The following TAFA5 variants were observed in gnomAD, a reference collection of about 807,000 sequenced individuals.
TAFA5 encodes TAFA chemokine like family member 5.
Under a neutral mutation model 15.3 loss-of-function variants are expected in TAFA5, and 6 were observed. The observed-to-expected ratio is 0.39, with a 90% CI of 0.21 to 0.77. The LOEUF is 0.77. Among genes scored for constraint, TAFA5 ranks in the 30% least tolerant of loss-of-function variants. TAFA5 has a pLI of 0.41. For synonymous variants in TAFA5, 103 were observed against 80.7 expected (o/e 1.28, Z -1.48); for missense variants, 161 against 193.1 (o/e 0.83, Z 0.98).
intron 3 of TAFA5, among the ~76,000 whole-genome samples, chr22:48,714,168 T>C (rs1439132472): frequency 1.3e-5 from 2 of 152,244 alleles, no homozygotes; most frequent in African/African-American, 4.8e-5. Context: ...CAGACGCTTT[T>C]GCACCAGGGT....
rs573921976 is a variant in TAFA5 at position 48,710,709 on chromosome 22, C to G, written c.390+2865C>G. On this transcript the variant is annotated intron_variant, in intron 3 of 3. Transcript: ENST00000402357. ...TGGGGCATTTGAGGCAGAGGCTGACCAGGCACCTGGGATATTCCAGAGGGG... is the reference window on the plus strand; with the variant it reads ...TGGGGCATTTGAGGCAGAGGCTGACGAGGCACCTGGGATATTCCAGAGGGG... Among the ~76,000 whole-genome samples the G allele has an allele frequency of 3.9e-5, 6 of 152,342 alleles. No homozygotes were observed. The East Asian group carries it at 1.2e-3, about 29-fold the overall frequency.
chr22:48,507,898 G>A lies in TAFA5; in HGVS notation c.112+18194G>A, dbSNP rs544703979. ...GTTCCCTTTTGGGCATCCCCAGCAC[G>A]AGGCCCATCTGCAGCCCTGGCCTGG... On this transcript the variant is annotated intron_variant, in intron 1 of 3. Coordinates refer to ENST00000402357, the MANE Select transcript of TAFA5 (RefSeq NM_001082967.3). 3.3e-4 allele frequency among the ~76,000 whole-genome samples: 51 copies of A among 152,284 alleles called. 1 individual carries two copies. The South Asian group carries it at 8.9e-3, about 27-fold the overall frequency.
At chr22:48,641,955 CT>C (rs1926696203) in intron 1 of TAFA5, among the ~76,000 whole-genome samples, 1 of 152,236 alleles carries the variant, frequency 6.6e-6, no homozygotes, top group Non-Finnish European at 1.5e-5. Context: ...ACACCATCCC[CT>C]ATCTCCAAGA....
chr22:48,694,501 C>T (rs1233881898), intron 2 of TAFA5, among the ~76,000 whole-genome samples: 1 of 152,158 alleles, frequency 6.6e-6, no homozygotes, highest in East Asian at 1.9e-4. Context: ...AACACGGGCG[C>T]TTCCCAGCCA....
intron 1 of TAFA5, among the ~76,000 whole-genome samples, chr22:48,492,810 A>G (rs1471595637): frequency 6.6e-6 from 1 of 152,218 alleles, no homozygotes; most frequent in Admixed American, 6.5e-5. Flanking sequence ...GACTTGCATG[A>G]TGATGAGCTT....
chr22:48,568,845 C>CT (rs993991834), intron 1 of TAFA5, among the ~76,000 whole-genome samples: 1 of 152,228 alleles, frequency 6.6e-6, no homozygotes, highest in African/African-American at 2.4e-5. Context: ...TCTCCTTCCA[C>CT]TGTCCAGCAG....
At chr22:48,614,091 TATCTC>T (rs1056439574) in intron 1 of TAFA5, among the ~76,000 whole-genome samples, 1 of 152,202 alleles carries the variant, frequency 6.6e-6, no homozygotes, top group African/African-American at 2.4e-5. Context: ...CGACGGGTGT[TATCTC>T]AGGACAGCCG....
intron 3 of TAFA5, among the ~76,000 whole-genome samples, chr22:48,732,102 G>A (rs900201528): frequency 6.6e-6 from 1 of 152,286 alleles, no homozygotes; most frequent in African/African-American, 2.4e-5. Flanking sequence ...TTTCAGTGGC[G>A]GAAATCACTG....
At chr22:48,724,217 G>T (rs1239488915) in intron 3 of TAFA5, among the ~76,000 whole-genome samples, 2 of 152,238 alleles carry the variant, frequency 1.3e-5, no homozygotes, top group African/African-American at 4.8e-5. Flanking sequence ...GAGACTCAGG[G>T]TACTGCTTGC....
chr22:48,727,915 A>G (rs144838072), intron 3 of TAFA5, among the ~76,000 whole-genome samples: 4 of 152,346 alleles, frequency 2.6e-5, no homozygotes, highest in African/African-American at 9.6e-5. Flanking sequence ...ATTAGCATAC[A>G]TAAGAATAGA....
chr22:48,702,876 G>A (rs55810671), intron 2 of TAFA5, among the ~76,000 whole-genome samples: 20,005 of 152,282 alleles, frequency 0.13, 1,729 homozygotes, highest in Non-Finnish European at 0.19. Flanking sequence ...GGGTGGGTGA[G>A]CCCAGCTCCT....
chr22:48,569,770 G>A (rs945215198), intron 1 of TAFA5, among the ~76,000 whole-genome samples: 1 of 152,206 alleles, frequency 6.6e-6, no homozygotes, highest in African/African-American at 2.4e-5. Context: ...TGGGTTCCGG[G>A]TACTGGTGAG....
At chr22:48,672,430 G>A (rs1056667171) in intron 2 of TAFA5, among the ~76,000 whole-genome samples, 4 of 152,118 alleles carry the variant, frequency 2.6e-5, no homozygotes, top group Admixed American at 6.5e-5. Context: ...TTTTTTGAAC[G>A]TATCCATTTT....
At chr22:48,711,958 C>A (rs1929268881) in intron 3 of TAFA5, among the ~76,000 whole-genome samples, 1 of 152,256 alleles carries the variant, frequency 6.6e-6, no homozygotes, top group Middle Eastern at 3.2e-3. Flanking sequence ...CTGCCCCGTC[C>A]CCTTGCAATG....
At chr22:48,685,921 C>G (rs960696629) in intron 2 of TAFA5, among the ~76,000 whole-genome samples, 1 of 151,206 alleles carries the variant, frequency 6.6e-6, no homozygotes, top group Non-Finnish European at 1.5e-5. Context: ...ACAGGCCCCA[C>G]GTGCGCCCCG....
At chr22:48,581,158 C>T (rs1924024687) in intron 1 of TAFA5, among the ~76,000 whole-genome samples, 1 of 152,264 alleles carries the variant, frequency 6.6e-6, no homozygotes, top group African/African-American at 2.4e-5. Context: ...TTCTCATCTG[C>T]TGTGTCTCTG....
chr22:48,563,995 C>A (rs1260810277), intron 1 of TAFA5, among the ~76,000 whole-genome samples: 1 of 152,208 alleles, frequency 6.6e-6, no homozygotes, highest in Non-Finnish European at 1.5e-5. Context: ...GTGCATTGTA[C>A]AGCCAAGGGT....
chr22:48,610,256 C>G (rs933478713), intron 1 of TAFA5, among the ~76,000 whole-genome samples: 2 of 152,238 alleles, frequency 1.3e-5, no homozygotes, highest in East Asian at 3.9e-4. Flanking sequence ...AGGCCGGAGG[C>G]TGCATCCCAG....
At chr22:48,554,718 G>A (rs557187992) in intron 1 of TAFA5, among the ~76,000 whole-genome samples, 4 of 152,286 alleles carry the variant, frequency 2.6e-5, no homozygotes, top group South Asian at 4.1e-4. Context: ...AAAATTTCCT[G>A]GGTGTCTGGA....
Sources: gnomAD v4.1 joint callset for allele counts (sites outside exome capture counted in the v4.1 genomes callset) on GRCh38, gnomAD v4.1.1 for gene constraint, MANE v1.5 for transcripts, NCBI Gene and HGNC (gene_info 2026-07-23, HGNC 2026-07-21) for gene names.